Variants in FBXW7 observed in about 807,000 individuals in gnomAD.
The protein encoded by FBXW7 is F-box/WD repeat-containing protein 7.
A neutral mutation model predicts 86.3 loss-of-function variants in FBXW7; 11 were observed. The ratio of observed to expected loss-of-function variants is 0.13; its 90% CI spans 0.08 to 0.21. The LOEUF is 0.21. Ranked by LOEUF, FBXW7 falls within the 10% of genes least tolerant of loss-of-function variation. The pLI is 1.00. For synonymous variants in FBXW7, 313 were observed against 297.9 expected (o/e 1.05, Z -0.52); for missense variants, 488 against 847.4 (o/e 0.58, Z 5.27).
Position 152,332,677 on chromosome 4 carries a change from G to T in FBXW7, c.904C>A (p.Leu302Ile), listed in dbSNP as rs150506693. Residue 302 changes from leucine to isoleucine, a missense_variant, in exon 8 of 14, where the codon CTA becomes ATA. Physicochemically the swap from Leu to Ile is conservative, Grantham distance 5. Coordinates refer to ENST00000281708, the MANE Select transcript of FBXW7 (RefSeq NM_001349798.2). ...TAGCGACATGTCTGAGCTGCTTGTA[G>T]CAGGTCTTTGGGTTCCAGGAATGAA... Reference protein sequence around the residue: ...VLSFLEPKDLLQAAQTCRYWR... With the variant: ...VLSFLEPKDLIQAAQTCRYWR... The T allele has an allele frequency of 6.2e-7, 1 of 1,602,130 alleles. No individual in the cohort carries two copies. Among genetic ancestry groups the T allele is most frequent in the East Asian group, 2.3e-5 (1 of 44,362 alleles).
chr4:152,474,316 T>C (rs1278780559), intron 2 of FBXW7, among the ~76,000 whole-genome samples: 1 of 152,216 alleles, frequency 6.6e-6, no homozygotes, highest in Admixed American at 6.5e-5. Context: ...TAAATACTGG[T>C]AGTTTTAAAT....
Position 152,446,338 on chromosome 4 carries a change from TGAAAG to T in FBXW7, c.-119-33814_-119-33810del, listed in dbSNP as rs961899554. On this transcript the variant is annotated intron_variant, in intron 2 of 13. Coordinates refer to ENST00000281708, the MANE Select transcript of FBXW7 (RefSeq NM_001349798.2). ...CCCCCCCAAAAAAAGACATAAAAAG[TGAAAG>T]GAGAGGTTTTAACATCACCTACAAC... 6.5e-4 allele frequency among the ~76,000 whole-genome samples: 16 copies of T among 24,460 alleles called. 1 individual carries two copies. 16.0% of individuals were successfully genotyped at this position (24,460 alleles called of 152,430 possible).
intron 2 of FBXW7, among the ~76,000 whole-genome samples, chr4:152,472,014 T>C (rs530513491): frequency 6.6e-6 from 1 of 152,230 alleles, no homozygotes; most frequent in South Asian, 2.1e-4. Flanking sequence ...AAATATATTC[T>C]TTAAAAATAC....
At chr4:152,361,155 C>T (rs1471870270) in intron 4 of FBXW7, among the ~76,000 whole-genome samples, 2 of 151,966 alleles carry the variant, frequency 1.3e-5, no homozygotes, top group African/African-American at 4.8e-5. Flanking sequence ...AGAAAGTGTG[C>T]CTCATGGTGA....
intron 4 of FBXW7, among the ~76,000 whole-genome samples, chr4:152,399,323 A>G (rs1560849725): frequency 6.6e-6 from 1 of 152,194 alleles, no homozygotes; most frequent in Non-Finnish European, 1.5e-5. Flanking sequence ...AACTTTCTCA[A>G]CTTGATAAAG....
At chr4:152,371,030 G>A (rs1027003069) in intron 4 of FBXW7, among the ~76,000 whole-genome samples, 6 of 151,840 alleles carry the variant, frequency 4.0e-5, no homozygotes, top group Non-Finnish European at 8.8e-5. Flanking sequence ...TGCATCAGCA[G>A]GTACTTGTGA....
At chr4:152,523,926 T>C (rs1749258611) in intron 2 of FBXW7, among the ~76,000 whole-genome samples, 1 of 152,252 alleles carries the variant, frequency 6.6e-6, no homozygotes, top group Non-Finnish European at 1.5e-5. Context: ...TCAGTAAATC[T>C]GAACTGAATC....
At chr4:152,523,234 G>A (rs1425813690) in intron 2 of FBXW7, among the ~76,000 whole-genome samples, 1 of 151,922 alleles carries the variant, frequency 6.6e-6, no homozygotes, top group East Asian at 1.9e-4. Context: ...TTTTTCAAGA[G>A]AGTAAGCTCA....
chr4:152,457,193 A>T (rs577099736), intron 2 of FBXW7, among the ~76,000 whole-genome samples: 1 of 152,346 alleles, frequency 6.6e-6, no homozygotes, highest in Admixed American at 6.5e-5. Flanking sequence ...GACCTACAGT[A>T]ACAGAAAGCA....
chr4:152,328,213 T>C lies in FBXW7; in HGVS notation c.1413A>G (p.Glu471=), dbSNP rs2126512476. ...ATGACAAGATTTTCCCTTACCTTTTTTCATGAAGATGCATACAACGCACAG... is the reference window on the plus strand; with the variant it reads ...ATGACAAGATTTTCCCTTACCTTTTCTCATGAAGATGCATACAACGCACAG... The part of the protein sequence containing the change: ...TSTVRCMHLH[E]KRVVSGSRDA... The change falls in exon 11 of 14, where the codon GAA becomes GAG. Residue 471 remains glutamate, a synonymous_variant. Transcript: ENST00000281708. 1 of 1,586,070 alleles carries C rather than the reference T, an allele frequency of 6.3e-7. No individual in the cohort carries two copies. Among genetic ancestry groups the C allele is most frequent in the Non-Finnish European group, 8.6e-7 (1 of 1,168,962 alleles).
intron 4 of FBXW7, among the ~76,000 whole-genome samples, chr4:152,388,208 A>G (rs778782521): frequency 7.2e-5 from 11 of 152,188 alleles, no homozygotes; most frequent in Non-Finnish European, 1.2e-4. Flanking sequence ...GAGACATTAC[A>G]TGTATGTAAA....
intron 2 of FBXW7, among the ~76,000 whole-genome samples, chr4:152,413,403 T>C (rs1055737510): frequency 1.3e-5 from 2 of 152,068 alleles, no homozygotes; most frequent in African/African-American, 4.8e-5. Flanking sequence ...ATAGAAATGA[T>C]TCAAGGTCAG....
chr4:152,496,070 G>A (rs543798278), intron 2 of FBXW7, among the ~76,000 whole-genome samples: 1 of 152,226 alleles, frequency 6.6e-6, no homozygotes, highest in East Asian at 1.9e-4. Flanking sequence ...CCAGCTACTT[G>A]GGAAGCTGAG....
chr4:152,341,230 G>A (rs1730711065), intron 6 of FBXW7, among the ~76,000 whole-genome samples: 1 of 152,120 alleles, frequency 6.6e-6, no homozygotes, highest in East Asian at 1.9e-4. Context: ...CCTTAGGTTG[G>A]CCTACAACAC....
chr4:152,425,881 A>G (rs1434136004), intron 2 of FBXW7, among the ~76,000 whole-genome samples: 1 of 152,206 alleles, frequency 6.6e-6, no homozygotes, highest in Non-Finnish European at 1.5e-5. Context: ...AACACCTATC[A>G]TTGTTCAGGG....
At chr4:152,476,713 C>T (rs1257543986) in intron 2 of FBXW7, among the ~76,000 whole-genome samples, 1 of 152,040 alleles carries the variant, frequency 6.6e-6, no homozygotes, top group African/African-American at 2.4e-5. Context: ...AAAAAATTTG[C>T]CTTAAGACAA....
intron 4 of FBXW7, among the ~76,000 whole-genome samples, chr4:152,380,732 G>A (rs531676533): frequency 6.6e-5 from 10 of 151,770 alleles, no homozygotes; most frequent in Admixed American, 3.9e-4. Context: ...ATATGTACTT[G>A]TTTATTAAAA....
intron 11 of FBXW7, among the ~76,000 whole-genome samples, chr4:152,326,867 T>G (rs1212527209): frequency 3.3e-5 from 5 of 152,104 alleles, no homozygotes; most frequent in Admixed American, 2.0e-4. Context: ...ACAGGCTGCT[T>G]ATGCTTTTAA....
At chr4:152,362,689 A>ATGG (rs1733087477) in intron 4 of FBXW7, among the ~76,000 whole-genome samples, 1 of 151,866 alleles carries the variant, frequency 6.6e-6, no homozygotes, top group African/African-American at 2.4e-5. Flanking sequence ...TTAGCCAGGC[A>ATGG]TGGTGGTGGG....
Sources: allele counts gnomAD v4.1 joint callset (sites outside exome capture counted in the v4.1 genomes callset), GRCh38; gene constraint gnomAD v4.1.1; transcripts MANE v1.5; gene names NCBI Gene and HGNC (gene_info 2026-07-23, HGNC 2026-07-21).